Variants in LANCL1 observed in about 807,000 individuals in gnomAD.
LANCL1 encodes LanC like glutathione S-transferase 1, also known as glutathione S-transferase LANCL1.
In LANCL1, 50 loss-of-function variants were observed where a neutral mutation model predicts 50.6. The observed-to-expected ratio is 0.99, with a 90% CI of 0.79 to 1.25. The LOEUF (loss-of-function observed/expected upper bound fraction) is 1.25, where lower values mean the gene tolerates loss of function less well. Ranked by LOEUF, LANCL1 falls within the 50% of genes most tolerant of loss-of-function variation. The pLI is 0.00. For missense variants in LANCL1, 532 were observed against 480.7 expected (o/e 1.11, Z -1.00); for synonymous variants, 188 against 178.6 (o/e 1.05, Z -0.42).
At chr2:210,439,624 C>T (rs965382721) in intron 6 of LANCL1, among the ~76,000 whole-genome samples, 22 of 152,150 alleles carry the variant, frequency 1.4e-4, no homozygotes, top group Non-Finnish European at 2.5e-4. Flanking sequence ...AGAATAAATA[C>T]GCTAGTCTCT....
At chr2:210,462,695 G>GATTTTTTC (rs1693901551) in intron 3 of LANCL1, among the ~76,000 whole-genome samples, 1 of 152,174 alleles carries the variant, frequency 6.6e-6, no homozygotes, top group South Asian at 2.1e-4. Context: ...AAACACTGGA[G>GATTTTTTC]ATTTTTTCAT....
intron 8 of LANCL1, 23 bp downstream of exon 8, chr2:210,436,193 T>C: frequency 6.2e-7 from 1 of 1,607,076 alleles, no homozygotes; most frequent in Non-Finnish European, 8.5e-7. Context: ...AGCTGCTTTC[T>C]ATTTGGTGGT....
At position 210,440,676 on chromosome 2, in the gene LANCL1, T is replaced by C; in HGVS notation, c.612A>G (p.Pro204=). The C allele has an allele frequency of 6.2e-7, 1 of 1,614,024 alleles. No homozygotes were observed. Among genetic ancestry groups the C allele is most frequent in the African/African-American group, 1.3e-5 (1 of 75,026 alleles). ...ARKRNFTAKS[P]LMYEWYQEYY... ...ATTCCTGGTACCATTCATACATCAGTGGAGACTTTGCCGTGAAGTTTCTCT... is the reference window on the plus strand; with the variant it reads ...ATTCCTGGTACCATTCATACATCAGCGGAGACTTTGCCGTGAAGTTTCTCT... The change falls in exon 6 of 10, where the codon CCA becomes CCG. Residue 204 remains proline, a synonymous_variant. Transcript: ENST00000450366.
At chr2:210,440,505 T>A in intron 6 of LANCL1, 93 bp downstream of exon 6, 2 of 1,245,054 alleles carry the variant, frequency 1.6e-6, no homozygotes, top group Non-Finnish European at 2.2e-6. Context: ...GTTGACAGAA[T>A]GACAAACTAG....
In LANCL1 at chr2:210,440,759, C is replaced by G; in HGVS notation, c.544-15G>C. ...GTTTCACAAATCTACAGGGAGAAAA[C>G]CAACCAAAATAACAAGTTAACTGAA... On this transcript the variant is annotated splice_polypyrimidine_tract_variant and intron_variant, in intron 5 of 9. Transcript: ENST00000450366. The G allele has an allele frequency of 6.2e-7, 1 of 1,604,996 alleles. No individual in the cohort carries two copies. The highest frequency in any genetic ancestry group is 8.5e-7 in the Non-Finnish European group (1 of 1,176,826).
At position 210,433,852 on chromosome 2, in the gene LANCL1, ATGCCTTACCG is replaced by A. The variant is rs1225546135; in HGVS notation, c.*625_*634del. The A allele has an allele frequency of 3.9e-5, 6 of 152,232 alleles. No homozygotes were observed. The highest frequency in any genetic ancestry group is 2.9e-5 in the Non-Finnish European group (2 of 68,032). The allele number at this position is 152,232 out of a possible 1,614,324, so 9.4% of individuals were successfully genotyped here. A position where few individuals can be genotyped will look rare whatever the true frequency, so the allele number is the denominator to read the frequency against. On this transcript the variant is annotated 3_prime_UTR_variant, in exon 10 of 10. Coordinates refer to ENST00000450366, the MANE Select transcript of LANCL1 (RefSeq NM_006055.3). The stretch of plus-strand genomic sequence containing the variant: ...AAAAATGTTGGCTTCTGAAGGCTGT[ATGCCTTACCG>A]ACAAAAACAGGCCAATCTGAAAGTA...
intron 2 of LANCL1, among the ~76,000 whole-genome samples, chr2:210,472,680 G>C (rs535762529): frequency 1.0e-3 from 157 of 152,306 alleles, no homozygotes; most frequent in African/African-American, 3.7e-3. Flanking sequence ...CAATGAATGA[G>C]CCTGTCTACA....
chr2:210,434,691 A>G (rs1236414381), intron 9 of LANCL1, 128 bp from the exon 10 acceptor site: 2 of 708,950 alleles, frequency 2.8e-6, no homozygotes, highest in Non-Finnish European at 4.8e-6. Flanking sequence ...ACACACAAAC[A>G]TCAACAAAGG....
chr2:210,434,709 C>A, intron 9 of LANCL1, 146 bp from the exon 10 acceptor site: 1 of 639,764 alleles, frequency 1.6e-6, no homozygotes. Context: ...AGGGTGCCCA[C>A]CAGTGATGGC....
chr2:210,453,206 G>GT (rs1693562718), intron 4 of LANCL1, among the ~76,000 whole-genome samples: 1 of 152,094 alleles, frequency 6.6e-6, no homozygotes, highest in Non-Finnish European at 1.5e-5. Flanking sequence ...ATTTAAAAAG[G>GT]TAAATGACAA....
intron 7 of LANCL1, among the ~76,000 whole-genome samples, chr2:210,436,925 A>G (rs2105884552): frequency 6.6e-6 from 1 of 152,304 alleles, no homozygotes; most frequent in African/African-American, 2.4e-5. Flanking sequence ...AGTGTTCTTA[A>G]AAGTAGGATA....
intron 8 of LANCL1, among the ~76,000 whole-genome samples, chr2:210,435,893 CTTTT>C (rs71043994): frequency 3.1e-5 from 2 of 64,262 alleles, no homozygotes; most frequent in South Asian, 8.2e-4. Flanking sequence ...GGGAGACCTG[CTTTT>C]TTTTTTTTTT....
chr2:210,444,148 G>GT (rs1693235417), intron 4 of LANCL1, among the ~76,000 whole-genome samples: 1 of 152,138 alleles, frequency 6.6e-6, no homozygotes, highest in East Asian at 1.9e-4. Context: ...AGCTGAGGGG[G>GT]TTTACAGCCT....
Position 210,476,397 on chromosome 2 carries a change from G to A in LANCL1, c.-1C>T, listed in dbSNP as rs1188475816. On this transcript the variant is annotated 5_prime_UTR_variant, in exon 2 of 10. Coordinates refer to ENST00000450366, the MANE Select transcript of LANCL1 (RefSeq NM_006055.3). ...GATTCGGGAAGGCCCTTTGAGCCAT[G>A]ACGCCGGAAGCAAGCCTGCAGAACA... 6.2e-7 allele frequency: 1 copy of A among 1,613,712 alleles called. No homozygotes were observed. Among genetic ancestry groups the A allele is most frequent in the Admixed American group, 1.7e-5 (1 of 60,004 alleles).
At chr2:210,477,402 G>T (rs1335174299), upstream of LANCL1, 1 of 580,178 alleles carries the variant, frequency 1.7e-6, no homozygotes, top group Non-Finnish European at 2.3e-6. Context: ...TGTTTTAACA[G>T]TCCCTGCTAT....
At chr2:210,453,015 T>C (rs1212803995) in intron 4 of LANCL1, among the ~76,000 whole-genome samples, 1 of 152,196 alleles carries the variant, frequency 6.6e-6, no homozygotes, top group Non-Finnish European at 1.5e-5. Flanking sequence ...TTTGAAAAGA[T>C]AAAGCAAACT....
At chr2:210,451,403 C>T (rs1030687687) in intron 4 of LANCL1, among the ~76,000 whole-genome samples, 1 of 152,074 alleles carries the variant, frequency 6.6e-6, no homozygotes, top group African/African-American at 2.4e-5. Flanking sequence ...AGCAAACCAC[C>T]ATGGCACGTG....
At chr2:210,472,759 T>G (rs1385240966) in intron 2 of LANCL1, among the ~76,000 whole-genome samples, 2 of 152,178 alleles carry the variant, frequency 1.3e-5, no homozygotes, top group Non-Finnish European at 2.9e-5. Flanking sequence ...CTCCATAAAG[T>G]CAGGATAATA....
intron 2 of LANCL1, among the ~76,000 whole-genome samples, chr2:210,473,248 G>A (rs1002557037): frequency 1.3e-5 from 2 of 152,080 alleles, no homozygotes; most frequent in African/African-American, 4.8e-5. Flanking sequence ...GGTGGTGAAC[G>A]CCTGTAATCC....
Sources: gnomAD v4.1 joint callset for allele counts (sites outside exome capture counted in the v4.1 genomes callset) on GRCh38, gnomAD v4.1.1 for gene constraint, MANE v1.5 for transcripts, NCBI Gene and HGNC (gene_info 2026-07-23, HGNC 2026-07-21) for gene names.